ATRNL1: variants seen among roughly 807,000 people sequenced by gnomAD.
ATRNL1 encodes attractin-like protein 1.
ATRNL1 carries 95 observed loss-of-function variants against 182.7 expected under a neutral mutation model. The observed-to-expected ratio is 0.52, with a 90% CI of 0.44 to 0.62. ATRNL1 has a LOEUF of 0.62. Among genes scored for constraint, ATRNL1 ranks in the 20% least tolerant of loss-of-function variants. The pLI is 0.00. For missense variants in ATRNL1, 1,471 were observed against 1,679.5 expected, an observed-to-expected ratio of 0.88 and a Z score of 2.17; for synonymous variants, 576 against 568.3, an observed-to-expected ratio of 1.01 and a Z score of -0.19.
chr10:115,541,847 C>A (rs753307954), intron 25 of ATRNL1, among the ~76,000 whole-genome samples: 2 of 151,988 alleles, frequency 1.3e-5, no homozygotes, highest in Non-Finnish European at 2.9e-5. Flanking sequence ...GAATTAAGTT[C>A]TGTTTCTTCA....
intron 26 of ATRNL1, among the ~76,000 whole-genome samples, chr10:115,620,217 T>A (rs1857654361): frequency 6.6e-6 from 1 of 152,116 alleles, no homozygotes; most frequent in Non-Finnish European, 1.5e-5. Flanking sequence ...ATAGGTAAGA[T>A]GTGGGTGGGA....
intron 26 of ATRNL1, among the ~76,000 whole-genome samples, chr10:115,645,336 T>C (rs1218092275): frequency 4.0e-5 from 6 of 150,866 alleles, no homozygotes; most frequent in Non-Finnish European, 8.9e-5. Context: ...AAAAAAAATT[T>C]TCCAAAAAGT....
intron 26 of ATRNL1, among the ~76,000 whole-genome samples, chr10:115,616,317 A>G (rs1236513009): frequency 1.3e-5 from 2 of 152,192 alleles, no homozygotes; most frequent in African/African-American, 4.8e-5. Flanking sequence ...AATCACCTAC[A>G]CTGATACGCA....
intron 19 of ATRNL1, among the ~76,000 whole-genome samples, chr10:115,386,821 C>T (rs868929942): frequency 3.8e-4 from 42 of 110,022 alleles, no homozygotes; most frequent in Non-Finnish European, 7.1e-4. Flanking sequence ...CCCCTCCCCC[C>T]ACCCCACAAC....
intron 28 of ATRNL1, among the ~76,000 whole-genome samples, chr10:115,935,482 A>G (rs1167842279): frequency 6.6e-6 from 1 of 152,100 alleles, no homozygotes; most frequent in Non-Finnish European, 1.5e-5. Flanking sequence ...CTTCTGGTTC[A>G]CAATCATATG....
intron 2 of ATRNL1, among the ~76,000 whole-genome samples, chr10:115,121,345 C>T (rs11197071): frequency 0.21 from 31,991 of 152,100 alleles, 4,323 homozygotes; most frequent in Non-Finnish European, 0.3. Flanking sequence ...CTCCTGACCT[C>T]GTGATCTGCC....
intron 27 of ATRNL1, among the ~76,000 whole-genome samples, chr10:115,830,566 C>T (rs1227727687): frequency 6.6e-6 from 1 of 152,066 alleles, no homozygotes; most frequent in Non-Finnish European, 1.5e-5. Flanking sequence ...TTGTGTTTAC[C>T]AGTTCCTAAA....
chr10:115,163,406 C>G (rs1430568151), intron 6 of ATRNL1, among the ~76,000 whole-genome samples: 3 of 150,534 alleles, frequency 2.0e-5, no homozygotes, highest in Non-Finnish European at 4.4e-5. Context: ...ATCTGTCACC[C>G]AGGCTGGAGT....
chr10:115,455,756 C>T (rs1847494355), intron 21 of ATRNL1, among the ~76,000 whole-genome samples: 1 of 152,040 alleles, frequency 6.6e-6, no homozygotes, highest in Non-Finnish European at 1.5e-5. Context: ...GGCTAATATC[C>T]AGAATCTACA....
chr10:115,854,039 A>G (rs1364181110), intron 28 of ATRNL1, among the ~76,000 whole-genome samples: 3 of 152,234 alleles, frequency 2.0e-5, no homozygotes, highest in Admixed American at 6.5e-5. Context: ...TGGATATACT[A>G]TAGTGAACCA....
intron 26 of ATRNL1, among the ~76,000 whole-genome samples, chr10:115,621,274 T>TAGAGAGAGAGAG (rs1243070932): frequency 4.8e-4 from 23 of 48,210 alleles, no homozygotes; most frequent in South Asian, 8.4e-4. Flanking sequence ...TATATATATA[T>TAGAGAGAGAGAG]ATAGAGAGAG....
chr10:115,858,698 T>C (rs977985918), intron 28 of ATRNL1, among the ~76,000 whole-genome samples: 3 of 152,130 alleles, frequency 2.0e-5, no homozygotes, highest in Non-Finnish European at 4.4e-5. Context: ...GAACTTAAAA[T>C]AAAATAAATG....
At chr10:115,321,001 ATCT>A (rs1854555717) in intron 18 of ATRNL1, among the ~76,000 whole-genome samples, 1 of 151,584 alleles carries the variant, frequency 6.6e-6, no homozygotes, top group Non-Finnish European at 1.5e-5. Context: ...ATTCTTTCTC[ATCT>A]TCTTGAGTTT....
chr10:115,102,645 T>C (rs574741239), intron 1 of ATRNL1, among the ~76,000 whole-genome samples: 10 of 152,288 alleles, frequency 6.6e-5, no homozygotes, highest in African/African-American at 2.4e-4. Context: ...GGTTTTGCCA[T>C]GTTGGCCAGG....
chr10:115,322,926 T>A (rs1854656252), intron 18 of ATRNL1, among the ~76,000 whole-genome samples: 2 of 152,134 alleles, frequency 1.3e-5, no homozygotes, highest in Non-Finnish European at 2.9e-5. Context: ...TCCTTGTTGC[T>A]TTCATCATTT....
intron 19 of ATRNL1, among the ~76,000 whole-genome samples, chr10:115,362,916 A>G (rs1364127271): frequency 1.3e-5 from 2 of 151,550 alleles, no homozygotes; most frequent in Non-Finnish European, 2.9e-5. Flanking sequence ...AATCCAGTCT[A>G]TCATTGATGG....
At chr10:115,909,162 C>T (rs1555115247) in intron 28 of ATRNL1, among the ~76,000 whole-genome samples, 1 of 151,896 alleles carries the variant, frequency 6.6e-6, no homozygotes, top group African/African-American at 2.4e-5. Flanking sequence ...GGCGCAATCC[C>T]CCTCCCCTTC....
At chr10:115,417,867 A>G (rs1845470196) in intron 20 of ATRNL1, among the ~76,000 whole-genome samples, 1 of 152,100 alleles carries the variant, frequency 6.6e-6, no homozygotes, top group African/African-American at 2.4e-5. Flanking sequence ...GTGTTTAGGG[A>G]GTTGCAGTGG....
In ATRNL1 at chr10:115,096,748, A is replaced by G. The variant is rs115912065; in HGVS notation, c.293+2705A>G. 9.5e-4 allele frequency: 1,213 copies of G among 1,281,614 alleles called. 7 individuals carry two copies. The African/African-American group carries it at 0.017, about 18-fold the overall frequency. The allele number at this position is 1,281,614 out of a possible 1,614,324, so 79.4% of individuals were successfully genotyped here. On this transcript the variant is annotated intron_variant, in intron 1 of 28. Coordinates refer to ENST00000355044, the MANE Select transcript of ATRNL1 (RefSeq NM_207303.4). ...AAGCAAATATAGTATCAAAAGTGGT[A>G]CTTCAGTTCTCTTAGCATTGATTCC...
Sources: gnomAD v4.1 joint callset for allele counts (sites outside exome capture counted in the v4.1 genomes callset) on GRCh38, gnomAD v4.1.1 for gene constraint, MANE v1.5 for transcripts, NCBI Gene and HGNC (gene_info 2026-07-23, HGNC 2026-07-21) for gene names.